The following TOX variants were observed in gnomAD, a reference collection of about 807,000 sequenced individuals.
TOX encodes the protein thymocyte selection-associated high mobility group box protein TOX.
Under a neutral mutation model 53.7 loss-of-function variants are expected in TOX, and 11 were observed. The ratio of observed to expected loss-of-function variants is 0.20; its 90% CI spans 0.13 to 0.34. The LOEUF is 0.34. Among genes scored for constraint, TOX ranks in the 10% least tolerant of loss-of-function variants. The pLI, the probability that TOX is intolerant of heterozygous loss-of-function variation, is 1.00. For synonymous variants in TOX, 225 were observed against 245.3 expected (o/e 0.92, Z 0.77); for missense variants, 570 against 664.6 (o/e 0.86, Z 1.56).
intron 3 of TOX, among the ~76,000 whole-genome samples, chr8:58,893,401 T>C (rs1440217896): frequency 6.6e-6 from 1 of 152,222 alleles, no homozygotes; most frequent in Non-Finnish European, 1.5e-5. Context: ...TTCCAGATGA[T>C]ATTCACCACT....
chr8:58,863,939 C>T (rs1811053352), intron 3 of TOX, among the ~76,000 whole-genome samples: 1 of 151,954 alleles, frequency 6.6e-6, no homozygotes, highest in Admixed American at 6.6e-5. Context: ...AGTCTGTCTG[C>T]ATTGCATTAA....
At chr8:58,865,000 AAAG>A (rs926133893) in intron 3 of TOX, among the ~76,000 whole-genome samples, 2 of 152,058 alleles carry the variant, frequency 1.3e-5, no homozygotes, top group African/African-American at 4.8e-5. Flanking sequence ...TTGTATCAGA[AAAG>A]AAGAGCTTTC....
At position 58,815,559 on chromosome 8, in the gene TOX, T is replaced by C. The variant is rs1478499615; in HGVS notation, c.1171A>G (p.Ser391Gly). Residue 391 changes from serine to glycine, a missense_variant, in exon 7 of 9, where the codon AGT (serine) becomes GGT (glycine). By Grantham distance (56) the Ser-to-Gly change is moderately conservative (BLOSUM62 0). Transcript: ENST00000361421. ...TTGGGGGCTATGTTCCTGGGGAGAC[T>C]AGGATGCATGGCAGTTAGGTGAGGA... ...MNPHLTAMHP[S>G]LPRNIAPKPN... 1 of 1,614,086 alleles carries C rather than the reference T, an allele frequency of 6.2e-7. No homozygotes were observed. The highest frequency in any genetic ancestry group is 8.5e-7 in the Non-Finnish European group (1 of 1,180,008).
At chr8:58,871,708 A>G (rs1811202315) in intron 3 of TOX, among the ~76,000 whole-genome samples, 1 of 152,142 alleles carries the variant, frequency 6.6e-6, no homozygotes, top group African/African-American at 2.4e-5. Flanking sequence ...TGGATAGTGG[A>G]TGTGGGTGCC....
chr8:59,055,676 A>G (rs1324280646), intron 1 of TOX, among the ~76,000 whole-genome samples: 1 of 152,206 alleles, frequency 6.6e-6, no homozygotes, highest in African/African-American at 2.4e-5. Flanking sequence ...AAATCATTAG[A>G]TGGGTCAAAT....
At chr8:58,997,640 C>A (rs989296395) in intron 1 of TOX, among the ~76,000 whole-genome samples, 1 of 152,108 alleles carries the variant, frequency 6.6e-6, no homozygotes, top group Non-Finnish European at 1.5e-5. Context: ...GGGCATGGGG[C>A]ATATCTTAAA....
At chr8:58,951,690 T>G (rs759524134) in intron 2 of TOX, among the ~76,000 whole-genome samples, 54 of 152,186 alleles carry the variant, frequency 3.5e-4, no homozygotes, top group Non-Finnish European at 1.2e-4. Context: ...GAGGCCCAGT[T>G]GCAAACAGGA....
intron 1 of TOX, among the ~76,000 whole-genome samples, chr8:59,087,397 A>T (rs903747622): frequency 1.3e-5 from 2 of 152,314 alleles, no homozygotes; most frequent in South Asian, 2.1e-4. Flanking sequence ...ATAGCTAATC[A>T]ATTTCACTGT....
chr8:58,873,361 T>C (rs562157053), intron 3 of TOX, among the ~76,000 whole-genome samples: 1 of 151,832 alleles, frequency 6.6e-6, no homozygotes, highest in Non-Finnish European at 1.5e-5. Context: ...CTCATAGGAG[T>C]CTTTGACTTC....
intron 3 of TOX, among the ~76,000 whole-genome samples, chr8:58,911,837 G>A (rs529812348): frequency 6.6e-6 from 1 of 152,188 alleles, no homozygotes; most frequent in East Asian, 1.9e-4. Flanking sequence ...CAAGTAGCTG[G>A]GATTACAGGT....
At chr8:59,112,112 C>A (rs969628387) in intron 1 of TOX, among the ~76,000 whole-genome samples, 2 of 152,172 alleles carry the variant, frequency 1.3e-5, no homozygotes, top group Admixed American at 1.3e-4. Flanking sequence ...AATAGTGATA[C>A]CTCCCATCAG....
intron 3 of TOX, among the ~76,000 whole-genome samples, chr8:58,902,930 T>G (rs72651307): frequency 0.022 from 3,368 of 152,332 alleles, 61 homozygotes; most frequent in Middle Eastern, 0.082. Context: ...GTCATCCCTA[T>G]TACAAAGCCT....
rs769468401 is a variant in TOX at position 58,838,236 on chromosome 8, CCTT to C, written c.766_768del (p.Lys256del). The C allele has an allele frequency of 1.1e-5, 17 of 1,613,300 alleles. No individual in the cohort carries two copies. Among genetic ancestry groups the C allele is most frequent in the Non-Finnish European group, 1.1e-5 (13 of 1,179,508 alleles). On this transcript the variant is annotated inframe_deletion, in exon 5 of 9. Transcript: ENST00000361421. Reference sequence around the variant, plus strand: ...ACAGGCTTCTGGGGCTCATTGGGATCCTTCTTCTTCTTCTTTTTGGGAGTTTTT... The same window carrying C: ...ACAGGCTTCTGGGGCTCATTGGGATCCTTCTTCTTCTTTTTGGGAGTTTTT...
At chr8:58,934,238 G>T (rs942394139) in intron 3 of TOX, among the ~76,000 whole-genome samples, 4 of 152,120 alleles carry the variant, frequency 2.6e-5, no homozygotes, top group Non-Finnish European at 5.9e-5. Context: ...CAAAGTGCCA[G>T]AAATTTAACT....
At chr8:58,828,118 T>A (rs1810394764) in intron 5 of TOX, among the ~76,000 whole-genome samples, 1 of 152,228 alleles carries the variant, frequency 6.6e-6, no homozygotes, top group African/African-American at 2.4e-5. Flanking sequence ...TATCTGCCAT[T>A]TGGCAGCAGG....
chr8:59,043,794 A>G (rs1475160705), intron 1 of TOX, among the ~76,000 whole-genome samples: 1 of 152,236 alleles, frequency 6.6e-6, no homozygotes, highest in Non-Finnish European at 1.5e-5. Flanking sequence ...GCCTTTTGAA[A>G]GGACTACGTA....
intron 2 of TOX, among the ~76,000 whole-genome samples, chr8:58,941,478 A>G (rs1812439134): frequency 6.6e-6 from 1 of 152,228 alleles, no homozygotes; most frequent in Non-Finnish European, 1.5e-5. Flanking sequence ...ATCATAAAAG[A>G]TGGCATTTTT....
intron 1 of TOX, among the ~76,000 whole-genome samples, chr8:59,110,134 A>G (rs1804987392): frequency 6.6e-6 from 1 of 152,212 alleles, no homozygotes; most frequent in African/African-American, 2.4e-5. Context: ...TAGCTCTGAG[A>G]GTCCATTATG....
At chr8:59,074,687 A>G (rs1020528835) in intron 1 of TOX, among the ~76,000 whole-genome samples, 4 of 152,204 alleles carry the variant, frequency 2.6e-5, no homozygotes, top group East Asian at 1.9e-4. Flanking sequence ...GAATCTCAAG[A>G]TAAGTTCAGA....
Sources: gnomAD v4.1 joint callset for allele counts (sites outside exome capture counted in the v4.1 genomes callset) on GRCh38, gnomAD v4.1.1 for gene constraint, MANE v1.5 for transcripts, NCBI Gene and HGNC (gene_info 2026-07-23, HGNC 2026-07-21) for gene names.